KCNH7: variants seen among roughly 807,000 people sequenced by gnomAD.
KCNH7 encodes the protein potassium voltage-gated channel subfamily H member 7.
Under a neutral mutation model 120.8 loss-of-function variants are expected in KCNH7, and 49 were observed. That is an observed-to-expected ratio of 0.41 (90% CI 0.32 to 0.51). The LOEUF (loss-of-function observed/expected upper bound fraction) is 0.51. Ranked by LOEUF, KCNH7 falls within the 20% of genes least tolerant of loss-of-function variation. The pLI is 0.38. For synonymous variants in KCNH7, 547 were observed against 516.1 expected (o/e 1.06, Z -0.81); for missense variants, 1,097 against 1,446.6 (o/e 0.76, Z 3.92).
rs566497683 is a variant in KCNH7, at chr2:162,396,514, C to T, written c.2613+226G>A. Among the ~76,000 whole-genome samples the T allele has an allele frequency of 2.0e-5, 3 of 151,906 alleles. No individual in the cohort carries two copies. In the East Asian group the frequency reaches 5.8e-4, roughly 30 times the overall value. On this transcript the variant is annotated intron_variant, in intron 11 of 15. Coordinates refer to ENST00000332142, the MANE Select transcript of KCNH7 (RefSeq NM_033272.4). The stretch of plus-strand genomic sequence containing the variant: ...ACCTAAGGGCTTCTACAAGGTCAAA[C>T]CTAATTGAACTACTTGAAATTATTC...
chr2:162,596,464 T>A (rs929903423), intron 2 of KCNH7, among the ~76,000 whole-genome samples: 2 of 151,994 alleles, frequency 1.3e-5, no homozygotes, highest in Non-Finnish European at 2.9e-5. Flanking sequence ...GAAAGGACAG[T>A]CTCTTTAGTA....
chr2:162,693,694 A>C (rs1686192303), intron 2 of KCNH7, among the ~76,000 whole-genome samples: 1 of 152,200 alleles, frequency 6.6e-6, no homozygotes, highest in Non-Finnish European at 1.5e-5. Flanking sequence ...GCCAAGAGGC[A>C]GGAGCTCGTG....
At chr2:162,625,148 C>G (rs376550732) in intron 2 of KCNH7, among the ~76,000 whole-genome samples, 3 of 151,922 alleles carry the variant, frequency 2.0e-5, no homozygotes, top group Non-Finnish European at 4.4e-5. Flanking sequence ...CCACCTGCCT[C>G]GGCTTCCCAA....
chr2:162,414,899 T>TA (rs1328019183), intron 9 of KCNH7, among the ~76,000 whole-genome samples: 5 of 151,958 alleles, frequency 3.3e-5, no homozygotes, highest in African/African-American at 1.2e-4. Flanking sequence ...CCTATAGAGG[T>TA]AATGACATGT....
intron 2 of KCNH7, among the ~76,000 whole-genome samples, chr2:162,560,513 A>G (rs1323389117): frequency 6.6e-6 from 1 of 152,180 alleles, no homozygotes; most frequent in Non-Finnish European, 1.5e-5. Context: ...TCCAGGGTTA[A>G]AAAGGGAACA....
chr2:162,441,999 CTTTTT>C (rs779418084), intron 7 of KCNH7, among the ~76,000 whole-genome samples: 11 of 41,572 alleles, frequency 2.6e-4, no homozygotes, highest in Non-Finnish European at 3.6e-4. Flanking sequence ...GTTAGGTCTT[CTTTTT>C]TTTTTTTTTT....
At chr2:162,642,702 T>G (rs1684207774) in intron 2 of KCNH7, among the ~76,000 whole-genome samples, 2 of 152,320 alleles carry the variant, frequency 1.3e-5, no homozygotes, top group South Asian at 4.1e-4. Context: ...CACCTGTACA[T>G]ATCTGTTGGA....
intron 2 of KCNH7, among the ~76,000 whole-genome samples, chr2:162,824,048 A>C (rs554456343): frequency 2.9e-4 from 44 of 152,302 alleles, no homozygotes; most frequent in African/African-American, 1.0e-3. Context: ...TGATATTATA[A>C]AATCTTACTT....
Position 162,548,472 on chromosome 2 carries a change from C to A in KCNH7, c.308-11392G>T, listed in dbSNP as rs116309241. On this transcript the variant is annotated intron_variant, in intron 2 of 15. Coordinates refer to ENST00000332142, the MANE Select transcript of KCNH7 (RefSeq NM_033272.4). ...GCTTTTTTGTCTTACACATATTAGG[C>A]TTCAGGACCTTGCTTAGTACCTTTT... 2.9e-3 allele frequency among the ~76,000 whole-genome samples: 441 copies of A among 152,218 alleles called. 2 individuals carry two copies. The highest frequency in any genetic ancestry group is 0.01 in the African/African-American group (422 of 41,530).
chr2:162,379,810 A>AG (rs1407811819), intron 14 of KCNH7, 43 bp downstream of exon 14: 2 of 1,592,054 alleles, frequency 1.3e-6, no homozygotes, highest in Non-Finnish European at 1.7e-6. Flanking sequence ...GACCCATGTA[A>AG]GGGGTTGGGT....
At chr2:162,787,589 C>A (rs76429961) in intron 2 of KCNH7, among the ~76,000 whole-genome samples, 5 of 152,184 alleles carry the variant, frequency 3.3e-5, no homozygotes, top group African/African-American at 1.2e-4. Context: ...CCAGCACTAC[C>A]GCAGTAGACT....
At chr2:162,636,767 G>T (rs555242241) in intron 2 of KCNH7, among the ~76,000 whole-genome samples, 1 of 152,092 alleles carries the variant, frequency 6.6e-6, no homozygotes, top group South Asian at 2.1e-4. Flanking sequence ...ATCCCTTCAG[G>T]GTAGAAAACA....
chr2:162,677,660 C>A (rs1031615488), intron 2 of KCNH7, among the ~76,000 whole-genome samples: 8 of 151,448 alleles, frequency 5.3e-5, no homozygotes, highest in Non-Finnish European at 1.2e-4. Context: ...TTTCTTTTGG[C>A]AGACATATTA....
intron 7 of KCNH7, among the ~76,000 whole-genome samples, chr2:162,437,422 T>A (rs996151474): frequency 1.3e-5 from 2 of 152,132 alleles, no homozygotes; most frequent in African/African-American, 4.8e-5. Context: ...GTATATTTCT[T>A]CCCTATGAAT....
At chr2:162,730,253 T>G (rs1346837445) in intron 2 of KCNH7, among the ~76,000 whole-genome samples, 2 of 151,324 alleles carry the variant, frequency 1.3e-5, no homozygotes, top group East Asian at 3.9e-4. Context: ...GAGTCAATAT[T>G]GAAAATGCTT....
intron 14 of KCNH7, 113 bp downstream of exon 14, chr2:162,379,740 G>T (rs1220328693): frequency 2.0e-6 from 2 of 1,006,264 alleles, no homozygotes; most frequent in Non-Finnish European, 3.0e-6. Context: ...ATAAGTAAAT[G>T]TATAAGGAAA....
intron 2 of KCNH7, among the ~76,000 whole-genome samples, chr2:162,577,201 T>A (rs1559025219): frequency 6.6e-6 from 1 of 151,994 alleles, no homozygotes; most frequent in Non-Finnish European, 1.5e-5. Context: ...ATTACAGGCA[T>A]GAGTCAACAC....
intron 2 of KCNH7, among the ~76,000 whole-genome samples, chr2:162,729,806 G>A (rs1271639537): frequency 6.6e-6 from 1 of 151,976 alleles, no homozygotes; most frequent in Admixed American, 6.6e-5. Context: ...TGTTTTATTG[G>A]CCGTTTTCTA....
chr2:162,470,170 C>T (rs939476366), intron 6 of KCNH7, among the ~76,000 whole-genome samples: 3 of 151,726 alleles, frequency 2.0e-5, no homozygotes, highest in Non-Finnish European at 4.4e-5. Flanking sequence ...GGCCGCCCAT[C>T]GTCTGGGATG....
Sources: allele counts gnomAD v4.1 joint callset (sites outside exome capture counted in the v4.1 genomes callset), GRCh38; gene constraint gnomAD v4.1.1; transcripts MANE v1.5; gene names NCBI Gene and HGNC (gene_info 2026-07-23, HGNC 2026-07-21).